The following PIGQ variants were observed in gnomAD, a reference collection of about 807,000 sequenced individuals.
The protein encoded by PIGQ is phosphatidylinositol N-acetylglucosaminyltransferase subunit Q.
A neutral mutation model predicts 60.3 loss-of-function variants in PIGQ; 54 were observed. The ratio of observed to expected loss-of-function variants is 0.90; its 90% CI spans 0.72 to 1.12. The LOEUF (loss-of-function observed/expected upper bound fraction) is 1.12, where lower values mean the gene tolerates loss of function less well. PIGQ is among the 50% of genes most tolerant of loss of function. PIGQ has a pLI of 0.00. For synonymous variants in PIGQ, 416 were observed against 363.7 expected (o/e 1.14, Z -1.64); for missense variants, 799 against 793.5 (o/e 1.01, Z -0.08).
chr16:575,809 G>A (rs751576796), intron 2 of PIGQ, 30 bp from the exon 3 acceptor site: 3 of 1,547,516 alleles, frequency 1.9e-6, no homozygotes, highest in African/African-American at 1.4e-5. Flanking sequence ...TCTGGAGAGG[G>A]ACACATCACT....
rs1414041172 is a variant in PIGQ at position 580,164 on chromosome 16, T to C, written c.1336-19T>C. The C allele has an allele frequency of 4.9e-5, 79 of 1,601,960 alleles. No individual in the cohort carries two copies. Among genetic ancestry groups the C allele is most frequent in the Non-Finnish European group, 6.7e-5 (79 of 1,172,492 alleles). ...CGCGGGGTCCTGCTGATGCCCGGTG[T>C]GCTGGCCCCTCCCTACAGCTGTTCA... is the stretch of plus-strand genomic sequence containing the variant. On this transcript the variant is annotated intron_variant, in intron 7 of 10. Coordinates refer to ENST00000321878, the MANE Select transcript of PIGQ (RefSeq NM_004204.5).
In PIGQ at chr16:576,206, G is replaced by A. The variant is rs557891539; in HGVS notation, c.894G>A (p.Gly298=). 8.0e-5 allele frequency: 124 copies of A among 1,550,594 alleles called. No homozygotes were observed. The highest frequency in any genetic ancestry group is 1.0e-4 in the Non-Finnish European group (119 of 1,147,272). Residue 298 remains glycine, a synonymous_variant, in exon 4 of 11, where the codon GGG becomes GGA. Coordinates refer to ENST00000321878, the MANE Select transcript of PIGQ (RefSeq NM_004204.5). ...LGLMLLSWLH[G]RSRIGHLADA... ...TCATGCTGCTGTCCTGGCTCCACGG[G>A]AGAAGCCGCATCGGGCATCTGGCCG...
chr16:583,025 A>T lies in PIGQ; in HGVS notation c.1736A>T (p.Lys579Met). ...TACCCCTGGAGGCAGAGAGGGGACA[A>T]GCAGGACTGAGGGAACTGCTGGCTC... ...LIYPWRQRGD[K>M]QD Residue 579 changes from lysine to methionine, a missense_variant, in exon 11 of 11, where the codon AAG (lysine) becomes ATG (methionine). Transcript: ENST00000321878. 1 of 1,613,110 alleles carries T rather than the reference A, an allele frequency of 6.2e-7. No homozygotes were observed. Among genetic ancestry groups the T allele is most frequent in the South Asian group, 1.1e-5 (1 of 91,086 alleles).
In PIGQ at chr16:575,959, C is replaced by A; in HGVS notation, c.810C>A (p.Ala270=). The A allele has an allele frequency of 1.3e-6, 2 of 1,584,602 alleles. No individual in the cohort carries two copies. Among genetic ancestry groups the A allele is most frequent in the Non-Finnish European group, 1.7e-6 (2 of 1,165,884 alleles). ...GTACACGGAAGGCGGAGAACCCTGC[C>A]CAGCTGATGAGGTGTGGGCCTGCCC... ...IFSTRKAENP[A]QLMRKANTVA... Residue 270 remains alanine (A), a synonymous_variant, in exon 3 of 11, where the codon GCC becomes GCA. Transcript: ENST00000321878.
At chr16:576,807 C>G in intron 4 of PIGQ, 1 of 336,912 alleles carries the variant, frequency 3.0e-6, no homozygotes, top group Non-Finnish European at 5.4e-6. Flanking sequence ...AGATCTAGTG[C>G]ATTTCCATGC....
Position 578,510 on chromosome 16 carries a change from G to C in PIGQ, c.1069+5G>C. ...ACCACATCCACCTGTGGATCAGTGA[G>C]TGCAGGGCAGGCGGGGGCCCCAGGG... On this transcript the variant is annotated splice_donor_5th_base_variant and intron_variant, in intron 5 of 10. Transcript: ENST00000321878. 6.2e-7 allele frequency: 1 copy of C among 1,611,092 alleles called. No individual in the cohort carries two copies. The highest frequency in any genetic ancestry group is 8.5e-7 in the Non-Finnish European group (1 of 1,178,896).
chr16:571,661 G>C (rs2035631785), intron 1 of PIGQ, among the ~76,000 whole-genome samples: 1 of 149,076 alleles, frequency 6.7e-6, no homozygotes, highest in East Asian at 2.0e-4. Flanking sequence ...AGATGCTCAC[G>C]TTGCTTTCTC....
intron 10 of PIGQ, 50 bp from the exon 11 acceptor site, chr16:582,833 C>A: frequency 1.3e-6 from 2 of 1,536,874 alleles, no homozygotes; most frequent in Non-Finnish European, 1.8e-6. Flanking sequence ...TCTCTGCAGA[C>A]GGGGTTGGAG....
At chr16:580,651 T>C (rs1230200812) in intron 8 of PIGQ, 8 of 594,244 alleles carry the variant, frequency 1.3e-5, no homozygotes, top group Non-Finnish European at 2.4e-5. Context: ...ACCTCTGACC[T>C]GGTGAGAGGG....
Position 579,126 on chromosome 16 carries a change from G to A in PIGQ, c.1281G>A (p.Lys427=), listed in dbSNP as rs889142137. 1.7e-5 allele frequency: 27 copies of A among 1,612,938 alleles called. No homozygotes were observed. Among genetic ancestry groups the A allele is most frequent in the Non-Finnish European group, 2.3e-5 (27 of 1,179,824 alleles). ...CACTGTGGCGTCTGTTCCGGGGGAA[G>A]AAGTGGAACGTTCTGCGCCAGCGCG... The part of the protein sequence containing the change: ...LSSLWRLFRG[K]KWNVLRQRVD... Residue 427 remains lysine, a synonymous_variant, in exon 7 of 11, where the codon AAG becomes AAA. Coordinates refer to ENST00000321878, the MANE Select transcript of PIGQ (RefSeq NM_004204.5).
intron 5 of PIGQ, 50 bp from the exon 6 acceptor site, chr16:578,735 C>A: frequency 6.3e-7 from 1 of 1,591,836 alleles, no homozygotes; most frequent in Non-Finnish European, 8.6e-7. Context: ...TTGTGCTGGG[C>A]CGAGGGCTGG....
At position 578,364 on chromosome 16, in the gene PIGQ, C is replaced by T; in HGVS notation, c.943-15C>T. 6.2e-7 allele frequency: 1 copy of T among 1,604,878 alleles called. No individual in the cohort carries two copies. The highest frequency in any genetic ancestry group is 8.5e-7 in the Non-Finnish European group (1 of 1,178,530). ...TGGCTGCCCCCGCCCCAGCGTGGCC[C>T]CTGTGTCCCTGCAGCACGTGGCCGA... On this transcript the variant is annotated splice_polypyrimidine_tract_variant and intron_variant, in intron 4 of 10. Coordinates refer to ENST00000321878, the MANE Select transcript of PIGQ (RefSeq NM_004204.5).
At chr16:572,366 GAACCCAC>G (rs2035644210) in intron 1 of PIGQ, 1 of 381,028 alleles carries the variant, frequency 2.6e-6, no homozygotes. Flanking sequence ...TTTTCAGCTA[GAACCCAC>G]CGCCTTGAGT....
chr16:578,950 C>A lies in PIGQ; in HGVS notation c.1223+12C>A. 6.4e-7 allele frequency: 1 copy of A among 1,558,792 alleles called. No individual in the cohort carries two copies. ...GTCTATGGAGCCAGGTGGGCGTGGG[C>A]TTCCCCCTCCCCACCGCCCCCTGGG... On this transcript the variant is annotated intron_variant, in intron 6 of 10. Coordinates refer to ENST00000321878, the MANE Select transcript of PIGQ (RefSeq NM_004204.5).
Position 578,837 on chromosome 16 carries a change from CCT to C in PIGQ, c.1126_1127del (p.Ser376GlyfsTer66), listed in dbSNP as rs1203384145. On this transcript the variant is annotated frameshift_variant, in exon 6 of 11. Transcript: ENST00000321878. LOFTEE classifies it high-confidence loss of function. ...TGGAGCACATCCTTTGGCACGTGGG[CCT>C]CTCGGCCTGCCTGGGCCTGACGGTG... ...FVEHILWHVG[L>X]SACLGLTVAL... is the part of the protein sequence containing the mutation. 6.2e-7 allele frequency: 1 copy of C among 1,613,824 alleles called. No individual in the cohort carries two copies. Among genetic ancestry groups the C allele is most frequent in the Admixed American group, 1.7e-5 (1 of 60,024 alleles).
At chr16:582,330 G>A (rs2035827664) in intron 10 of PIGQ, 21 bp downstream of exon 10, 1 of 1,573,944 alleles carries the variant, frequency 6.4e-7, no homozygotes. Context: ...TTGTGGCCAG[G>A]ACGCCCCTAC....
In PIGQ at chr16:576,151, C is replaced by T; in HGVS notation, c.839C>T (p.Ala280Val). 6.5e-7 allele frequency: 1 copy of T among 1,548,936 alleles called. No individual in the cohort carries two copies. Among genetic ancestry groups the T allele is most frequent in the South Asian group, 1.2e-5 (1 of 84,066 alleles). ...AQLMRKANTV[A>V]SVLLDVALGL... The stretch of plus-strand genomic sequence containing the variant: ...CCTTCCAGGAAGGCCAACACGGTGG[C>T]CTCTGTGCTGCTGGACGTGGCCCTG... Residue 280 changes from alanine (A) to valine (V), a missense_variant, in exon 4 of 11, where the codon GCC (alanine) becomes GTC (valine). Transcript: ENST00000321878.
chr16:574,232 G>A lies in PIGQ; in HGVS notation c.158G>A (p.Arg53Gln), dbSNP rs182739177. The A allele has an allele frequency of 5.5e-5, 88 of 1,610,946 alleles. 1 individual carries two copies. In the African/African-American group the frequency reaches 7.9e-4, roughly 14 times the overall value. ...GTCAAGCAGCTCCTGGCCCAGGTGC[G>A]GCAGGCCAGCCAGGTGGGCGTGGCC... ...IQVKQLLAQV[R>Q]QASQVGVAVL... Residue 53 changes from arginine to glutamine, a missense_variant, in exon 2 of 11, where the codon CGG becomes CAG. Transcript: ENST00000321878.
intron 4 of PIGQ, 145 bp from the exon 5 acceptor site, chr16:578,234 C>T: frequency 1.3e-6 from 1 of 750,818 alleles, no homozygotes; most frequent in Non-Finnish European, 2.1e-6. Context: ...TGAAGGGGAG[C>T]CCGTGTGCTG....
Sources: allele counts gnomAD v4.1 joint callset (sites outside exome capture counted in the v4.1 genomes callset), GRCh38; gene constraint gnomAD v4.1.1; transcripts MANE v1.5; gene names NCBI Gene and HGNC (gene_info 2026-07-23, HGNC 2026-07-21).